CCNP: variants seen among roughly 807,000 people sequenced by gnomAD.
The protein encoded by CCNP is cyclin-P.
In CCNP, 18 loss-of-function variants were observed where a neutral mutation model predicts 19.6. The observed-to-expected ratio is 0.92, with a 90% CI of 0.64 to 1.36. CCNP has a LOEUF of 1.36. Ranked by LOEUF, CCNP falls within the 40% of genes most tolerant of loss-of-function variation. CCNP has a pLI of 0.00. For synonymous variants in CCNP, 228 were observed against 194.9 expected (o/e 1.17, Z -1.41); for missense variants, 440 against 424.4 (o/e 1.04, Z -0.32).
Position 40,222,597 on chromosome 19 carries a change from T to C in CCNP, c.*455A>G, listed in dbSNP as rs1029169695. ...TTCCCCACGGACGGGTCGGGGGCTC[T>C]CTTGAGATCGGGCACGCGTCCCGTC... On this transcript the variant is annotated 3_prime_UTR_variant, in exon 5 of 5. Transcript: ENST00000430325. 5 of 397,548 alleles carry C rather than the reference T, an allele frequency of 1.3e-5. No individual in the cohort carries two copies. Among genetic ancestry groups the C allele is most frequent in the Non-Finnish European group, 1.8e-5 (4 of 225,832 alleles). The allele number at this position is 397,548 out of a possible 1,614,324, so 24.6% of individuals were successfully genotyped here.
At chr19:40,224,667 C>T (rs774263091) in intron 2 of CCNP, 24 bp from the exon 3 acceptor site, 21 of 1,613,934 alleles carry the variant, frequency 1.3e-5, no homozygotes, top group East Asian at 2.2e-5. Flanking sequence ...AGGGTGACCA[C>T]GGGGTCCTGG....
At position 40,226,400 on chromosome 19, in the gene CCNP, G is replaced by C. The variant is rs528906400; in HGVS notation, c.242C>G (p.Ala81Gly). The C allele has an allele frequency of 6.2e-7, 1 of 1,607,142 alleles. No individual in the cohort carries two copies. The highest frequency in any genetic ancestry group is 8.5e-7 in the Non-Finnish European group (1 of 1,179,734). ...ALGLQGEREY[A>G]GDIFAEVMVC... ...CATGACTTCGGCGAAGATGTCCCCGGCGTACTCGCGTTCTCCCTGCAGCCC... is the reference window on the plus strand; with the variant it reads ...CATGACTTCGGCGAAGATGTCCCCGCCGTACTCGCGTTCTCCCTGCAGCCC... Residue 81 changes from alanine to glycine, a missense_variant, in exon 1 of 5, where the codon GCC (alanine) becomes GGC (glycine). Ala to Gly is a moderately conservative substitution (Grantham distance 60). Coordinates refer to ENST00000430325, the MANE Select transcript of CCNP (RefSeq NM_024877.4).
Position 40,223,208 on chromosome 19 carries a change from G to A in CCNP, c.768C>T (p.Ser256=), listed in dbSNP as rs1327602372. The change falls in exon 5 of 5, where the codon AGC becomes AGT. Residue 256 remains serine (S), a synonymous_variant. Coordinates refer to ENST00000430325, the MANE Select transcript of CCNP (RefSeq NM_024877.4). ...EPGRRAAAAL[S]LAHRLLDGAG... ...CCCCGTCGAGCAAGCGGTGCGCCAG[G>A]CTCAGAGCCGCAGCCGCACGACGAC... 2 of 1,549,728 alleles carry A rather than the reference G, an allele frequency of 1.3e-6. No individual in the cohort carries two copies. Among genetic ancestry groups the A allele is most frequent in the Non-Finnish European group, 1.7e-6 (2 of 1,146,518 alleles).
At position 40,226,612 on chromosome 19, in the gene CCNP, G is replaced by A. The variant is rs996759799; in HGVS notation, c.30C>T (p.Ser10=). Residue 10 remains serine, a synonymous_variant, in exon 1 of 5, where the codon TCC becomes TCT. Transcript: ENST00000430325. MLVRGRDQG[S]GSRLGPIVRR... Reference sequence around the variant, plus strand: ...TAACGATAGGCCCGAGCCGGGAGCCGGACCCCTGGTCCCTGCCTCTCACCA... The same window carrying A: ...TAACGATAGGCCCGAGCCGGGAGCCAGACCCCTGGTCCCTGCCTCTCACCA... The A allele has an allele frequency of 2.5e-6, 4 of 1,578,760 alleles. No homozygotes were observed. The highest frequency in any genetic ancestry group is 1.3e-5 in the African/African-American group (1 of 74,098).
In CCNP at chr19:40,223,033, T is replaced by G. The variant is rs1973472079; in HGVS notation, c.*19A>C. 2 of 1,429,970 alleles carry G rather than the reference T, an allele frequency of 1.4e-6. No individual in the cohort carries two copies. The highest frequency in any genetic ancestry group is 1.9e-6 in the Non-Finnish European group (2 of 1,043,736). 88.6% of individuals were successfully genotyped at this position (1,429,970 alleles called of 1,614,324 possible). A position where few individuals can be genotyped will look rare whatever the true frequency, so the allele number is the denominator to read the frequency against. On this transcript the variant is annotated 3_prime_UTR_variant, in exon 5 of 5. Transcript: ENST00000430325. ...CTCTCCCACACCCAGAAAAATCAAGTCTAGGTGCCACCTCCTCCTCAATAA... is the reference window on the plus strand; with the variant it reads ...CTCTCCCACACCCAGAAAAATCAAGGCTAGGTGCCACCTCCTCCTCAATAA...
Position 40,222,707 on chromosome 19 carries a change from A to G in CCNP, c.*345T>C. ...GGCGCGGCTAGTGCGGAGTCAGAAC[A>G]CTCGAGGAAGCAAGGAGGGGAGCTG... On this transcript the variant is annotated 3_prime_UTR_variant, in exon 5 of 5. Coordinates refer to ENST00000430325, the MANE Select transcript of CCNP (RefSeq NM_024877.4). 2.5e-6 allele frequency: 1 copy of G among 405,686 alleles called. No homozygotes were observed. Among genetic ancestry groups the G allele is most frequent in the Non-Finnish European group, 4.3e-6 (1 of 231,076 alleles). 25.1% of individuals were successfully genotyped at this position (405,686 alleles called of 1,614,324 possible).
rs898082851 is a variant in CCNP, at chr19:40,222,734, G to A, written c.*318C>T. 1 of 406,270 alleles carries A rather than the reference G, an allele frequency of 2.5e-6. No individual in the cohort carries two copies. Among genetic ancestry groups the A allele is most frequent in the Admixed American group, 4.3e-5 (1 of 23,380 alleles). 25.2% of individuals were successfully genotyped at this position (406,270 alleles called of 1,614,324 possible). ...TCGAGGAAGCAAGGAGGGGAGCTGA[G>A]GATGGGCAGCCATCCTCTCTATGCT... On this transcript the variant is annotated 3_prime_UTR_variant, in exon 5 of 5. Transcript: ENST00000430325.
rs1314370438 is a variant in CCNP, at chr19:40,223,269, G to C, written c.707C>G (p.Ser236Cys). 4 of 1,540,988 alleles carry C rather than the reference G, an allele frequency of 2.6e-6. No individual in the cohort carries two copies. In the East Asian group the frequency reaches 9.8e-5, roughly 38 times the overall value. The stretch of plus-strand genomic sequence containing the variant: ...TCCCGCCGCCTCGGCCTCCAGCAAA[G>C]ACAGCTCCAGGAAGTAGGTGGCAAG... ...MLLATYFLEL[S>C]LLEAEAAGWE... The change falls in exon 5 of 5, where the codon TCT becomes TGT. Residue 236 changes from serine (S) to cysteine (C), a missense_variant. Ser to Cys is a moderately radical substitution (Grantham distance 112, BLOSUM62 -1). Transcript: ENST00000430325.
chr19:40,222,358 G>T lies in CCNP; in HGVS notation c.*694C>A. The T allele has an allele frequency of 5.0e-6, 2 of 399,068 alleles. No individual in the cohort carries two copies. The highest frequency in any genetic ancestry group is 8.8e-6 in the Non-Finnish European group (2 of 226,078). 24.7% of individuals were successfully genotyped at this position (399,068 alleles called of 1,614,324 possible). On this transcript the variant is annotated 3_prime_UTR_variant, in exon 5 of 5. Transcript: ENST00000430325. ...GGAGCAGGCAGGCGGCGGCAAGGCT[G>T]GTCCCCTGGCGCTGGGGCCGCGCAT...
chr19:40,224,440 C>G, intron 3 of CCNP, 48 bp downstream of exon 3: 1 of 1,594,900 alleles, frequency 6.3e-7, no homozygotes, highest in Non-Finnish European at 8.6e-7. Context: ...GAATCAGTTA[C>G]TCCCCAAAGG....
chr19:40,224,901 G>A (rs1000668647), intron 1 of CCNP, 90 bp from the exon 2 acceptor site: 31 of 1,178,892 alleles, frequency 2.6e-5, no homozygotes, highest in Non-Finnish European at 3.6e-5. Context: ...GCCTCCTCCA[G>A]TCAGTTGGAC....
intron 1 of CCNP, chr19:40,225,049 T>C (rs1027528091): frequency 1.2e-5 from 6 of 504,432 alleles, no homozygotes; most frequent in Non-Finnish European, 2.0e-5. Flanking sequence ...TCCCTCTAGG[T>C]TCCCAGACTT....
At position 40,223,619 on chromosome 19, in the gene CCNP, C is replaced by G. The variant is rs377464659; in HGVS notation, c.514-73G>C. On this transcript the variant is annotated intron_variant, in intron 3 of 4. Coordinates refer to ENST00000430325, the MANE Select transcript of CCNP (RefSeq NM_024877.4). ...CTCTTTACTCCCTGCCCTGGAAAGG[C>G]CCCAAGTTCCGGACCTCAGTTTCCT... The G allele has an allele frequency of 1.6e-4, 249 of 1,597,454 alleles. 1 individual carries two copies. In the East Asian group the frequency reaches 3.9e-3, roughly 25 times the overall value.
rs776604616 is a variant in CCNP at position 40,223,563 on chromosome 19, CG to C, written c.514-18del. On this transcript the variant is annotated intron_variant, in intron 3 of 4. Coordinates refer to ENST00000430325, the MANE Select transcript of CCNP (RefSeq NM_024877.4). ...GAAGGCGGGCTGCAGATGGGGGATG[CG>C]GGGGGAGGTGAAGGAGTCTTGGATC... is the stretch of plus-strand genomic sequence containing the variant. 8.1e-6 allele frequency: 13 copies of C among 1,596,126 alleles called. No individual in the cohort carries two copies. Among genetic ancestry groups the C allele is most frequent in the East Asian group, 2.3e-5 (1 of 44,430 alleles).
chr19:40,224,848 T>C, intron 1 of CCNP, 37 bp from the exon 2 acceptor site: 1 of 1,510,336 alleles, frequency 6.6e-7, no homozygotes, highest in Non-Finnish European at 9.0e-7. Flanking sequence ...TCTCCACACC[T>C]GTGCCTCTGC....
At chr19:40,223,703 G>C (rs916259910) in intron 3 of CCNP, 157 bp from the exon 4 acceptor site, 1 of 1,018,006 alleles carries the variant, frequency 9.8e-7, no homozygotes, top group Non-Finnish European at 1.5e-6. Context: ...ACGGGCTTGA[G>C]GGTCCTGGGT....
At position 40,223,505 on chromosome 19, in the gene CCNP, C is replaced by T. The variant is rs1479034307; in HGVS notation, c.555G>A (p.Arg185=). The T allele has an allele frequency of 1.2e-6, 2 of 1,608,508 alleles. No individual in the cohort carries two copies. Among genetic ancestry groups the T allele is most frequent in the Admixed American group, 1.7e-5 (1 of 59,532 alleles). Residue 185 remains arginine (R), a synonymous_variant, in exon 4 of 5, where the codon CGG becomes CGA. Coordinates refer to ENST00000430325, the MANE Select transcript of CCNP (RefSeq NM_024877.4). The part of the protein sequence containing the change: ...LCLLSADSFS[R]AELLRAERRI... ...GACGCTCGGCGCGCAGCAGCTCCGC[C>T]CGTGAGAAGGAGTCCGCGCTCAGGA...
rs1973517912 is a variant in CCNP, at chr19:40,224,822, G to A, written c.268-11C>T. On this transcript the variant is annotated splice_polypyrimidine_tract_variant and intron_variant, in intron 1 of 4. Coordinates refer to ENST00000430325, the MANE Select transcript of CCNP (RefSeq NM_024877.4). Reference sequence around the variant, plus strand: ...CAGCACGCGGCACACCTGGGGTTGGGGCAGGGACGCTTCACTCTCCACACC... The same window carrying A: ...CAGCACGCGGCACACCTGGGGTTGGAGCAGGGACGCTTCACTCTCCACACC... 29 of 1,548,998 alleles carry A rather than the reference G, an allele frequency of 1.9e-5. No homozygotes were observed. Among genetic ancestry groups the A allele is most frequent in the Non-Finnish European group, 2.4e-5 (27 of 1,145,558 alleles).
chr19:40,226,533 C>T lies in CCNP; in HGVS notation c.109G>A (p.Ala37Thr), dbSNP rs1430469824. 3 of 1,587,690 alleles carry T rather than the reference C, an allele frequency of 1.9e-6. No individual in the cohort carries two copies. The highest frequency in any genetic ancestry group is 2.3e-5 in the East Asian group (1 of 44,046). ...GGGACTGCGGCGCTTGAAGGCTCTG[C>T]GTCGAGGGAGGCAGCGAGACTCTGC... ...PLQSLAASLD[A>T]EPSSAAVPDG... Residue 37 changes from alanine (A) to threonine (T), a missense_variant, in exon 1 of 5, where the codon GCA becomes ACA. Transcript: ENST00000430325.
Sources: allele counts gnomAD v4.1 joint callset, GRCh38; gene constraint gnomAD v4.1.1; transcripts MANE v1.5; gene names NCBI Gene and HGNC (gene_info 2026-07-23, HGNC 2026-07-21).